The following RGS6 variants were observed in gnomAD, a reference collection of about 807,000 sequenced individuals.
RGS6 encodes the protein regulator of G-protein signaling 6.
RGS6 carries 30 observed loss-of-function variants against 78.5 expected under a neutral mutation model. The ratio of observed to expected loss-of-function variants is 0.38; its 90% CI spans 0.29 to 0.52. The LOEUF is 0.52. RGS6 is among the 20% of genes least tolerant of loss of function. The pLI, the probability that RGS6 is intolerant of heterozygous loss-of-function variation, is 0.85. For missense variants in RGS6, 495 were observed against 609.7 expected, an observed-to-expected ratio of 0.81 and a Z score of 1.98; for synonymous variants, 206 against 206.0, an observed-to-expected ratio of 1.00 and a Z score of 0.00.
chr14:72,624,188 A>G, the RGS6 span, among the ~76,000 whole-genome samples: 48 of 152,328 alleles, frequency 3.2e-4, no homozygotes, highest in African/African-American at 1.1e-3. Flanking sequence ...GAAATTATGC[A>G]GAGAATTGTA....
rs1463575880 is a variant in RGS6, at chr14:72,563,939, A to G, written c.*1472A>G. ...TCTTGGGAGCATATAAACAAAAAAC[A>G]TAGAAGCAATAAAGCGATCGCTGGT... is the stretch of plus-strand genomic sequence containing the variant. On this transcript the variant is annotated 3_prime_UTR_variant, in exon 18 of 18. Coordinates refer to ENST00000553525, the MANE Select transcript of RGS6 (RefSeq NM_001204424.2). 1 of 152,202 alleles carries G rather than the reference A, an allele frequency of 6.6e-6. No homozygotes were observed. The highest frequency in any genetic ancestry group is 2.4e-5 in the African/African-American group (1 of 41,456). The allele number at this position is 152,202 out of a possible 1,614,324, so 9.4% of individuals were successfully genotyped here.
intron 3 of RGS6, among the ~76,000 whole-genome samples, chr14:72,425,616 T>C (rs139856935): frequency 9.8e-5 from 15 of 152,320 alleles, no homozygotes; most frequent in Middle Eastern, 3.4e-3. Flanking sequence ...TTTTCCTAAA[T>C]GGGGTATCAT....
At chr14:72,383,811 A>G (rs911624383) in intron 3 of RGS6, among the ~76,000 whole-genome samples, 3 of 151,548 alleles carry the variant, frequency 2.0e-5, no homozygotes, top group African/African-American at 4.9e-5. Flanking sequence ...GTGGGGGGGG[A>G]CGGTAGAGAT....
intron 12 of RGS6, among the ~76,000 whole-genome samples, chr14:72,482,930 T>C (rs1271407350): frequency 6.6e-6 from 1 of 152,170 alleles, no homozygotes; most frequent in Non-Finnish European, 1.5e-5. Context: ...GAAAAGTCTT[T>C]TTTGTGAGGT....
At chr14:72,447,613 GTATTAA>G (rs1266759411) in intron 3 of RGS6, among the ~76,000 whole-genome samples, 1 of 152,164 alleles carries the variant, frequency 6.6e-6, no homozygotes, top group Non-Finnish European at 1.5e-5. Context: ...TAGCCAATGT[GTATTAA>G]TATTAATGCT....
chr14:71,906,985 T>C, the RGS6 span, among the ~76,000 whole-genome samples: 1 of 152,176 alleles, frequency 6.6e-6, no homozygotes, highest in Non-Finnish European at 1.5e-5. Flanking sequence ...TGTGGAAATA[T>C]TTTCCTTTCT....
intron 2 of RGS6, among the ~76,000 whole-genome samples, chr14:72,343,626 T>C (rs759833055): frequency 1.7e-5 from 2 of 117,348 alleles, no homozygotes; most frequent in African/African-American, 7.0e-5. Flanking sequence ...GCTTATGGCA[T>C]GGCCCCGTTT....
chr14:72,435,489 A>C (rs920295168), intron 3 of RGS6, among the ~76,000 whole-genome samples: 1 of 152,198 alleles, frequency 6.6e-6, no homozygotes, highest in Non-Finnish European at 1.5e-5. Context: ...TGAGTTTTCT[A>C]TGCTGCTGCA....
chr14:72,333,281 G>T (rs2152589727), intron 2 of RGS6, among the ~76,000 whole-genome samples: 1 of 152,334 alleles, frequency 6.6e-6, no homozygotes, highest in Middle Eastern at 3.4e-3. Context: ...CTGTTAGGTT[G>T]AGGCTTTGTC....
At position 71,999,330 on chromosome 14, in the gene RGS6, T is replaced by C. The variant is rs77823035; in HGVS notation, c.84+34455T>C. ...AAGGCTTGTGATCTAAAAGAGGAGA[T>C]AAAATATGTACTTTGTTGGTGCAGA... On this transcript the variant is annotated intron_variant, in intron 2 of 17. Transcript: ENST00000553525. 8.2e-4 allele frequency among the ~76,000 whole-genome samples: 125 copies of C among 152,362 alleles called. 1 individual carries two copies. Among genetic ancestry groups the C allele is most frequent in the African/African-American group, 2.9e-3 (119 of 41,584 alleles).
At chr14:72,016,526 C>T (rs573401422) in intron 2 of RGS6, among the ~76,000 whole-genome samples, 21 of 152,172 alleles carry the variant, frequency 1.4e-4, no homozygotes, top group Admixed American at 3.9e-4. Context: ...CCACCACGCC[C>T]GGCTAATTTT....
chr14:72,221,138 A>G lies in RGS6; in HGVS notation c.85-130957A>G, dbSNP rs563767882. Among the ~76,000 whole-genome samples the G allele has an allele frequency of 2.9e-4, 44 of 152,282 alleles. No individual in the cohort carries two copies. The South Asian group carries it at 9.1e-3, about 32-fold the overall frequency. On this transcript the variant is annotated intron_variant, in intron 2 of 17. Transcript: ENST00000553525. ...GATCCCAGTGTGTCCCAGAGATTTA[A>G]TCATAAAGTCACACCTTGGGAGAAA... is the stretch of plus-strand genomic sequence containing the variant.
chr14:72,108,619 A>AT (rs1246800406), intron 2 of RGS6, among the ~76,000 whole-genome samples: 1 of 151,670 alleles, frequency 6.6e-6, no homozygotes, highest in South Asian at 2.1e-4. Flanking sequence ...AGTTCTTTTG[A>AT]TTTTTTTAAA....
At chr14:72,023,180 G>A (rs1226182555) in intron 2 of RGS6, among the ~76,000 whole-genome samples, 1 of 152,182 alleles carries the variant, frequency 6.6e-6, no homozygotes, top group Non-Finnish European at 1.5e-5. Context: ...TATCCAAAAT[G>A]AGTCTAACTT....
chr14:72,442,599 GACA>G (rs1375493653), intron 3 of RGS6, among the ~76,000 whole-genome samples: 1 of 152,212 alleles, frequency 6.6e-6, no homozygotes, highest in African/African-American at 2.4e-5. Flanking sequence ...TAACGGCAAT[GACA>G]ACAATGATAA....
intron 2 of RGS6, among the ~76,000 whole-genome samples, chr14:72,076,852 A>G (rs2094591101): frequency 6.6e-6 from 1 of 151,960 alleles, no homozygotes; most frequent in Non-Finnish European, 1.5e-5. Context: ...TAATTAGGCT[A>G]TACTGTCTAT....
chr14:71,964,471 A>C (rs964837709), intron 1 of RGS6, among the ~76,000 whole-genome samples: 1 of 152,060 alleles, frequency 6.6e-6, no homozygotes, highest in Non-Finnish European at 1.5e-5. Context: ...GCGTCATTGC[A>C]CTCTAGCCTG....
At chr14:72,577,681 A>C in the RGS6 span, among the ~76,000 whole-genome samples, 2 of 152,232 alleles carry the variant, frequency 1.3e-5, no homozygotes, top group Admixed American at 1.3e-4. Context: ...CCTATCAGGC[A>C]ACTCAAGACT....
chr14:71,875,864 C>G, the RGS6 span, among the ~76,000 whole-genome samples: 11,766 of 152,200 alleles, frequency 0.077, 941 homozygotes, highest in East Asian at 0.21. Flanking sequence ...TCATTGGTTT[C>G]AAAGAACATC....
Sources: allele counts gnomAD v4.1 joint callset (sites outside exome capture counted in the v4.1 genomes callset), GRCh38; gene constraint gnomAD v4.1.1; transcripts MANE v1.5; gene names NCBI Gene and HGNC (gene_info 2026-07-23, HGNC 2026-07-21).